The following RASGRF2 variants were observed in gnomAD, a reference collection of about 807,000 sequenced individuals.
The protein encoded by RASGRF2 is Ras protein specific guanine nucleotide releasing factor 2, also known as ras-specific guanine nucleotide-releasing factor 2.
RASGRF2 carries 76 observed loss-of-function variants against 151.0 expected under a neutral mutation model. The observed-to-expected ratio is 0.50, with a 90% CI of 0.42 to 0.61. The LOEUF (loss-of-function observed/expected upper bound fraction) is 0.61, where lower values mean the gene tolerates loss of function less well. Ranked by LOEUF, RASGRF2 falls within the 20% of genes least tolerant of loss-of-function variation. The pLI, the probability that RASGRF2 is intolerant of heterozygous loss-of-function variation, is 0.00. For synonymous variants in RASGRF2, 504 were observed against 566.5 expected (o/e 0.89, Z 1.57); for missense variants, 1,148 against 1,564.6 (o/e 0.73, Z 4.49).
chr5:81,068,236 A>T, intron 3 of RASGRF2, 57 bp downstream of exon 3: 1 of 1,567,204 alleles, frequency 6.4e-7, no homozygotes, highest in Non-Finnish European at 8.7e-7. Flanking sequence ...TCATTTCCTC[A>T]TGATTACTTA....
At chr5:81,075,723 C>T (rs185639202) in intron 5 of RASGRF2, among the ~76,000 whole-genome samples, 60 of 152,194 alleles carry the variant, frequency 3.9e-4, no homozygotes, top group African/African-American at 1.3e-3. Context: ...ATCTGTTGAG[C>T]GTGAGATGCT....
At chr5:81,056,592 A>C (rs1751221731) in intron 2 of RASGRF2, among the ~76,000 whole-genome samples, 1 of 152,156 alleles carries the variant, frequency 6.6e-6, no homozygotes, top group Non-Finnish European at 1.5e-5. Flanking sequence ...TGCTGAGAAG[A>C]ATGTATATTC....
chr5:81,129,007 C>T (rs137884051), intron 17 of RASGRF2, among the ~76,000 whole-genome samples: 7,919 of 152,024 alleles, frequency 0.052, 710 homozygotes, highest in African/African-American at 0.18. Context: ...GGCGTGGTGG[C>T]GCACACCTGT....
intron 1 of RASGRF2, among the ~76,000 whole-genome samples, chr5:80,990,230 T>TA (rs1748606765): frequency 6.8e-6 from 1 of 147,052 alleles, no homozygotes; most frequent in Non-Finnish European, 1.5e-5. Context: ...TTTTTTTTTT[T>TA]TTATTTTCTT....
chr5:81,217,534 T>A, intron 25 of RASGRF2, 61 bp downstream of exon 25: 1 of 1,113,598 alleles, frequency 9.0e-7, no homozygotes. Context: ...GAGAAGAGGC[T>A]AAGTAATAAA....
chr5:81,219,968 T>C (rs1327694473), intron 26 of RASGRF2, among the ~76,000 whole-genome samples, 190 bp downstream of exon 26: 3 of 152,076 alleles, frequency 2.0e-5, no homozygotes, highest in African/African-American at 7.2e-5. Flanking sequence ...TCAAGTTCTA[T>C]TGATTTTACT....
chr5:81,040,721 C>T (rs2112389337), intron 1 of RASGRF2, among the ~76,000 whole-genome samples: 1 of 152,332 alleles, frequency 6.6e-6, no homozygotes, highest in South Asian at 2.1e-4. Context: ...GTTTCTACAC[C>T]TGAGGATTCC....
chr5:81,145,756 C>T (rs1490524215), intron 17 of RASGRF2, among the ~76,000 whole-genome samples: 1 of 152,212 alleles, frequency 6.6e-6, no homozygotes, highest in Non-Finnish European at 1.5e-5. Flanking sequence ...CTAGTGGACA[C>T]CTGGACTCCA....
Position 81,229,610 on chromosome 5 carries a change from TC to T in RASGRF2, c.*3841del, listed in dbSNP as rs1394240479. On this transcript the variant is annotated 3_prime_UTR_variant, in exon 27 of 27. Coordinates refer to ENST00000265080, the MANE Select transcript of RASGRF2 (RefSeq NM_006909.3). ...TTAACATTAGGATTGATAGCACTAG[TC>T]TGATCTGCTCAAGGAAAATAATAGT... 2 of 152,256 alleles carry T rather than the reference TC, an allele frequency of 1.3e-5. No individual in the cohort carries two copies. The highest frequency in any genetic ancestry group is 2.9e-5 in the Non-Finnish European group (2 of 68,044). The allele number at this position is 152,256 out of a possible 1,614,324, so 9.4% of individuals were successfully genotyped here.
chr5:81,127,923 C>CAAAAAAAAAAAAA (rs60196392), intron 17 of RASGRF2, among the ~76,000 whole-genome samples: 3 of 64,878 alleles, frequency 4.6e-5, no homozygotes, highest in African/African-American at 1.8e-4. Context: ...GACTCCGTCT[C>CAAAAAAAAAAAAA]AAAAAAAAAA....
At chr5:81,125,940 C>A (rs1253408517) in intron 16 of RASGRF2, among the ~76,000 whole-genome samples, 1 of 152,256 alleles carries the variant, frequency 6.6e-6, no homozygotes, top group South Asian at 2.1e-4. Context: ...GTGCATCTGT[C>A]TACTTGCCAC....
Position 80,960,998 on chromosome 5 carries a change from G to C in RASGRF2, c.260G>C (p.Gly87Ala), listed in dbSNP as rs1218883881. The change falls in exon 1 of 27, where the codon GGA becomes GCA. Residue 87 changes from glycine to alanine, a missense_variant. This residue lies in a region of RASGRF2 where 221 missense variants were observed against 271.3 expected (regional missense o/e 0.81). Transcript: ENST00000265080. This position sits in a 1 kb window ranked among gnomAD's most constrained non-coding sequence, Gnocchi z 5.5. ...PAPPRAGAGQ[G>A]GVRDALDKQY... ...CCACCCAGGGCCGGCGCCGGGCAGG[G>C]AGGCGTCCGAGACGCGCTGGACAAG... The C allele has an allele frequency of 1.3e-6, 2 of 1,527,270 alleles. No individual in the cohort carries two copies. The highest frequency in any genetic ancestry group is 1.2e-5 in the South Asian group (1 of 81,936). The allele number at this position is 1,527,270 out of a possible 1,614,324, so 94.6% of individuals were successfully genotyped here.
chr5:80,973,442 A>C (rs1748005949), intron 1 of RASGRF2, among the ~76,000 whole-genome samples: 1 of 152,202 alleles, frequency 6.6e-6, no homozygotes, highest in Non-Finnish European at 1.5e-5. Flanking sequence ...TTCCAGTAGC[A>C]CTAACTTCAT....
intron 17 of RASGRF2, among the ~76,000 whole-genome samples, chr5:81,129,355 C>A (rs1753555127): frequency 6.6e-6 from 1 of 152,014 alleles, no homozygotes; most frequent in Non-Finnish European, 1.5e-5. Flanking sequence ...TAGGTATTAT[C>A]TGTGTGATTT....
chr5:81,120,096 C>G (rs1055198219), intron 15 of RASGRF2, among the ~76,000 whole-genome samples: 8 of 152,230 alleles, frequency 5.3e-5, no homozygotes, highest in Non-Finnish European at 8.8e-5. Flanking sequence ...CTAATGCATC[C>G]CCCTTAGCTC....
intron 1 of RASGRF2, among the ~76,000 whole-genome samples, chr5:81,009,393 C>T (rs1179564120): frequency 1.3e-5 from 2 of 152,168 alleles, no homozygotes; most frequent in African/African-American, 4.8e-5. Flanking sequence ...CCAGATATAG[C>T]ATCACATATG....
intron 1 of RASGRF2, chr5:81,019,597 G>A (rs955124989): frequency 7.2e-5 from 11 of 152,180 alleles, no homozygotes; most frequent in Admixed American, 3.9e-4. Flanking sequence ...TAAAGAACGT[G>A]TGTAGTAATT....
chr5:81,004,102 G>T (rs2112297731), intron 1 of RASGRF2, among the ~76,000 whole-genome samples: 1 of 152,350 alleles, frequency 6.6e-6, no homozygotes, highest in African/African-American at 2.4e-5. Flanking sequence ...TGAACTGGGA[G>T]TTGACTTCTG....
intron 18 of RASGRF2, among the ~76,000 whole-genome samples, chr5:81,180,552 C>T (rs980630164): frequency 1.3e-5 from 2 of 152,142 alleles, no homozygotes; most frequent in Non-Finnish European, 2.9e-5. Context: ...AGCACTCACC[C>T]ATGGGCACCT....
Sources: allele counts gnomAD v4.1 joint callset (sites outside exome capture counted in the v4.1 genomes callset), GRCh38; gene constraint gnomAD v4.1.1; regional missense constraint gnomAD v4.1.1; non-coding constraint Gnocchi (gnomAD v3.1); transcripts MANE v1.5; gene names NCBI Gene and HGNC (gene_info 2026-07-23, HGNC 2026-07-21).